Variants in FAM118B observed in about 807,000 individuals in gnomAD.
FAM118B encodes the protein protein FAM118B.
FAM118B carries 24 observed loss-of-function variants against 38.5 expected under a neutral mutation model. The ratio of observed to expected loss-of-function variants is 0.62; its 90% CI spans 0.45 to 0.88. The LOEUF (loss-of-function observed/expected upper bound fraction) is 0.88, where lower values mean the gene tolerates loss of function less well. Among genes scored for constraint, FAM118B ranks in the 40% least tolerant of loss-of-function variants. The pLI, the probability that FAM118B is intolerant of heterozygous loss-of-function variation, is 0.00. For synonymous variants in FAM118B, 138 were observed against 156.3 expected, an observed-to-expected ratio of 0.88 and a Z score of 0.87; for missense variants, 334 against 420.0, an observed-to-expected ratio of 0.80 and a Z score of 1.79.
chr11:126,214,622 T>C (rs1424838553), intron 1 of FAM118B: 1 of 151,270 alleles, frequency 6.6e-6, no homozygotes, highest in Non-Finnish European at 1.5e-5. Flanking sequence ...AGTCCATTTG[T>C]TGGGAACTCC....
rs73631761 is a variant in FAM118B at position 126,255,199 on chromosome 11, G to A, written c.696+766G>A. On this transcript the variant is annotated intron_variant, in intron 6 of 8. Coordinates refer to ENST00000533050, the MANE Select transcript of FAM118B (RefSeq NM_024556.4). This position sits in a 1 kb window ranked among gnomAD's most constrained non-coding sequence, Gnocchi z 4.6. ...ACTTACTCTTTGTGAAAAGCTTATTGATCTTTTGGGATGCACATTTTCGAC... is the reference window on the plus strand; with the variant it reads ...ACTTACTCTTTGTGAAAAGCTTATTAATCTTTTGGGATGCACATTTTCGAC... Among the ~76,000 whole-genome samples the A allele has an allele frequency of 7.1e-3, 1,077 of 152,248 alleles. 12 individuals carry two copies. The highest frequency in any genetic ancestry group is 0.023 in the African/African-American group (959 of 41,550).
chr11:126,239,084 C>T (rs111587682), intron 3 of FAM118B, among the ~76,000 whole-genome samples: 23 of 151,756 alleles, frequency 1.5e-4, no homozygotes, highest in Middle Eastern at 3.4e-3. Context: ...GTGATCCTCC[C>T]GTGAACTTAG....
In FAM118B at chr11:126,244,885, G is replaced by A. The variant is rs1296817000; in HGVS notation, c.339+3841G>A. 1.3e-5 allele frequency: 2 copies of A among 152,088 alleles called. No homozygotes were observed. Among genetic ancestry groups the A allele is most frequent in the Non-Finnish European group, 2.9e-5 (2 of 68,034 alleles). 9.4% of individuals were successfully genotyped at this position (152,088 alleles called of 1,614,324 possible). On this transcript the variant is annotated intron_variant, in intron 4 of 8. Coordinates refer to ENST00000533050, the MANE Select transcript of FAM118B (RefSeq NM_024556.4). The surrounding 1 kb of genome is among the most constrained non-coding windows in gnomAD (Gnocchi z 4.5). ...GAAATGAAAGAAGATCTAAATAAAT[G>A]GAAAGACATGCCATGTTCCTGAATC...
chr11:126,235,949 TTTTG>T (rs779748392), intron 3 of FAM118B, among the ~76,000 whole-genome samples: 10 of 152,212 alleles, frequency 6.6e-5, no homozygotes, highest in African/African-American at 9.7e-5. Context: ...AGACTGTCTT[TTTTG>T]TTTGTTTGTT....
At position 126,215,251 on chromosome 11, in the gene FAM118B, G is replaced by A. The variant is rs1052310689; in HGVS notation, c.-77+3421G>A. On this transcript the variant is annotated intron_variant, in intron 1 of 8. Transcript: ENST00000533050. ...TACTGAAATACTTCTCTTTCAGCCCGAATTAGTGGGATTTATTTCAGATTT... is the reference window on the plus strand; with the variant it reads ...TACTGAAATACTTCTCTTTCAGCCCAAATTAGTGGGATTTATTTCAGATTT... 8.5e-5 allele frequency among the ~76,000 whole-genome samples: 13 copies of A among 152,278 alleles called. No homozygotes were observed. In the South Asian group the frequency reaches 1.2e-3, roughly 15 times the overall value.
intron 4 of FAM118B, among the ~76,000 whole-genome samples, chr11:126,241,947 C>T (rs1270885402): frequency 6.7e-6 from 1 of 149,936 alleles, no homozygotes; most frequent in Admixed American, 6.7e-5. Flanking sequence ...ATGGCTTGAA[C>T]CCGGGAGGTG....
At chr11:126,224,416 C>CA (rs1340358143) in intron 1 of FAM118B, among the ~76,000 whole-genome samples, 1 of 138,136 alleles carries the variant, frequency 7.2e-6, no homozygotes, top group Non-Finnish European at 1.5e-5. Flanking sequence ...GTCAAGGCTA[C>CA]AGTGAGCCAT....
chr11:126,257,377 G>A (rs1223293425), intron 7 of FAM118B, among the ~76,000 whole-genome samples: 4 of 152,162 alleles, frequency 2.6e-5, no homozygotes, highest in Admixed American at 6.5e-5. Flanking sequence ...AGATGCATGC[G>A]TGGGAATGTA....
At chr11:126,231,030 T>C (rs548972175) in intron 2 of FAM118B, among the ~76,000 whole-genome samples, 2 of 152,326 alleles carry the variant, frequency 1.3e-5, no homozygotes, top group African/African-American at 4.8e-5. Flanking sequence ...ATAGAAGCAT[T>C]ACATTTCCTG....
chr11:126,256,083 CAACATGGCA>C lies in FAM118B; in HGVS notation c.697-481_697-473del, dbSNP rs1950574360. Among the ~76,000 whole-genome samples, 1 of 152,208 alleles carries C rather than the reference CAACATGGCA, an allele frequency of 6.6e-6. No individual in the cohort carries two copies. The highest frequency in any genetic ancestry group is 6.5e-5 in the Admixed American group (1 of 15,284). The stretch of plus-strand genomic sequence containing the variant: ...GTCGGGAGTACCAGACCAGCCTGGC[CAACATGGCA>C]AAACCCCGTCTCTACTAAACATTCA... On this transcript the variant is annotated intron_variant, in intron 6 of 8. Transcript: ENST00000533050. This position sits in a 1 kb window ranked among gnomAD's most constrained non-coding sequence, Gnocchi z 6.6.
rs181504641 is a variant in FAM118B, at chr11:126,212,761, C to G, written c.-77+931C>G. 2.0e-3 allele frequency among the ~76,000 whole-genome samples: 305 copies of G among 152,220 alleles called. 1 individual carries two copies. Among genetic ancestry groups the G allele is most frequent in the Non-Finnish European group, 2.7e-3 (185 of 68,014 alleles). On this transcript the variant is annotated intron_variant, in intron 1 of 8. Transcript: ENST00000533050. ...CCTAAAGGGTTTGGCAGAAGGGAGC[C>G]GTACCAACAAGAAACAAAGTTGATC...
At chr11:126,245,333 C>G (rs1032037566) in intron 4 of FAM118B, 1 of 151,790 alleles carries the variant, frequency 6.6e-6, no homozygotes, top group Non-Finnish European at 1.5e-5. Flanking sequence ...CTAGGGTAGC[C>G]AAGACCGTCT....
In FAM118B at chr11:126,256,242, G is replaced by A. The variant is rs977138182; in HGVS notation, c.697-325G>A. Among the ~76,000 whole-genome samples, 1 of 152,184 alleles carries A rather than the reference G, an allele frequency of 6.6e-6. No individual in the cohort carries two copies. The highest frequency in any genetic ancestry group is 2.4e-5 in the African/African-American group (1 of 41,450). ...GGTCACACCACTACACTCTAGCCCA[G>A]GTGAAAGAGTGAGACTCCGTCTCAA... is the stretch of plus-strand genomic sequence containing the variant. On this transcript the variant is annotated intron_variant, in intron 6 of 8. Transcript: ENST00000533050. The surrounding 1 kb of genome is among the most constrained non-coding windows in gnomAD (Gnocchi z 6.6).
intron 4 of FAM118B, among the ~76,000 whole-genome samples, chr11:126,241,955 G>A (rs1409233371): frequency 1.3e-5 from 2 of 151,208 alleles, no homozygotes; most frequent in Non-Finnish European, 2.9e-5. Flanking sequence ...AACCCGGGAG[G>A]TGGAGGTTGC....
At chr11:126,246,164 C>T (rs1367453767) in intron 4 of FAM118B, among the ~76,000 whole-genome samples, 2 of 151,904 alleles carry the variant, frequency 1.3e-5, no homozygotes, top group Non-Finnish European at 2.9e-5. Context: ...AATATTAAGA[C>T]ATTAATATTT....
chr11:126,247,142 A>T (rs755546069), intron 4 of FAM118B, among the ~76,000 whole-genome samples: 2 of 152,132 alleles, frequency 1.3e-5, no homozygotes, highest in African/African-American at 4.8e-5. Flanking sequence ...AAAATTTAAA[A>T]AGTAGTCGGC....
intron 3 of FAM118B, among the ~76,000 whole-genome samples, chr11:126,236,586 G>A (rs71475945): frequency 0.11 from 16,424 of 152,066 alleles, 1,154 homozygotes; most frequent in Non-Finnish European, 0.15. Flanking sequence ...TCTAGACACC[G>A]GGCAGCTCTT....
rs918223611 is a variant in FAM118B at position 126,255,378 on chromosome 11, CTTTT to C, written c.696+950_696+953del. 6.6e-6 allele frequency among the ~76,000 whole-genome samples: 1 copy of C among 152,006 alleles called. No homozygotes were observed. Among genetic ancestry groups the C allele is most frequent in the African/African-American group, 2.4e-5 (1 of 41,366 alleles). The stretch of plus-strand genomic sequence containing the variant: ...AATGTATTGTCTAAAGCACAAGGGA[CTTTT>C]TTTTCTTTTTACCCATTCTTTCCCA... On this transcript the variant is annotated intron_variant, in intron 6 of 8. Coordinates refer to ENST00000533050, the MANE Select transcript of FAM118B (RefSeq NM_024556.4). The surrounding 1 kb of genome is among the most constrained non-coding windows in gnomAD (Gnocchi z 4.6).
intron 1 of FAM118B, among the ~76,000 whole-genome samples, chr11:126,220,561 A>G (rs1443512537): frequency 6.6e-6 from 1 of 152,042 alleles, no homozygotes; most frequent in Non-Finnish European, 1.5e-5. Context: ...AACAAAATTT[A>G]AAAATTAGCC....
Sources: allele counts gnomAD v4.1 joint callset (sites outside exome capture counted in the v4.1 genomes callset), GRCh38; gene constraint gnomAD v4.1.1; non-coding constraint Gnocchi (gnomAD v3.1); transcripts MANE v1.5; gene names NCBI Gene and HGNC (gene_info 2026-07-23, HGNC 2026-07-21).